The following JAZF1 variants were observed in gnomAD, a reference collection of about 807,000 sequenced individuals.
The protein encoded by JAZF1 is JAZF zinc finger 1, also known as juxtaposed with another zinc finger protein 1.
A neutral mutation model predicts 26.4 loss-of-function variants in JAZF1; 8 were observed. The observed-to-expected ratio is 0.30, with a 90% CI of 0.18 to 0.55. The LOEUF (loss-of-function observed/expected upper bound fraction) is 0.55. Among genes scored for constraint, JAZF1 ranks in the 20% least tolerant of loss-of-function variants. JAZF1 has a pLI of 0.94. For missense variants in JAZF1, 199 were observed against 322.0 expected, an observed-to-expected ratio of 0.62 and a Z score of 2.92; for synonymous variants, 126 against 122.3, an observed-to-expected ratio of 1.03 and a Z score of -0.20.
chr7:27,963,774 C>T (rs4719915), intron 2 of JAZF1, among the ~76,000 whole-genome samples: 19,011 of 152,016 alleles, frequency 0.13, 1,363 homozygotes, highest in African/African-American at 0.19. Context: ...TGCTACATTG[C>T]CCAGGCTGAT....
At chr7:27,853,245 T>C (rs890269130) in intron 3 of JAZF1, among the ~76,000 whole-genome samples, 2 of 152,236 alleles carry the variant, frequency 1.3e-5, no homozygotes, top group African/African-American at 4.8e-5. Flanking sequence ...AATTTCATTA[T>C]ATTACAGCAG....
chr7:28,074,766 T>A (rs1338557776), intron 1 of JAZF1, among the ~76,000 whole-genome samples: 1 of 152,238 alleles, frequency 6.6e-6, no homozygotes, highest in Non-Finnish European at 1.5e-5. Context: ...TGTTTATTTT[T>A]AAACTGTATT....
At chr7:27,915,822 A>G (rs992080610) in intron 2 of JAZF1, among the ~76,000 whole-genome samples, 2 of 152,240 alleles carry the variant, frequency 1.3e-5, no homozygotes, top group African/African-American at 2.4e-5. Flanking sequence ...TAAGGCAGCT[A>G]TTAAATTTGA....
chr7:28,110,104 G>A (rs1784617815), intron 1 of JAZF1, among the ~76,000 whole-genome samples: 1 of 152,088 alleles, frequency 6.6e-6, no homozygotes, highest in Non-Finnish European at 1.5e-5. Context: ...TGGTCAAGAG[G>A]AAAAGAATCA....
At chr7:27,834,316 T>C (rs537242781) in intron 4 of JAZF1, among the ~76,000 whole-genome samples, 1 of 152,356 alleles carries the variant, frequency 6.6e-6, no homozygotes, top group Admixed American at 6.5e-5. Flanking sequence ...TGGTGGTGAT[T>C]ACTACACTAG....
chr7:28,053,132 T>C (rs1187810558), intron 1 of JAZF1, among the ~76,000 whole-genome samples: 3 of 152,246 alleles, frequency 2.0e-5, no homozygotes, highest in Non-Finnish European at 4.4e-5. Context: ...GGGTTAGCCA[T>C]ACTGTAACAT....
At chr7:27,919,363 T>C (rs1784492939) in intron 2 of JAZF1, among the ~76,000 whole-genome samples, 1 of 152,092 alleles carries the variant, frequency 6.6e-6, no homozygotes. Context: ...AATGGGAAAA[T>C]TTGGAGAAAT....
chr7:27,854,698 C>T (rs1783211869), intron 3 of JAZF1, among the ~76,000 whole-genome samples: 1 of 152,168 alleles, frequency 6.6e-6, no homozygotes, highest in African/African-American at 2.4e-5. Flanking sequence ...ATATCGGCCC[C>T]CACTCTCTTC....
chr7:28,168,288 A>G (rs1028289764), intron 1 of JAZF1, among the ~76,000 whole-genome samples: 1 of 150,882 alleles, frequency 6.6e-6, no homozygotes, highest in African/African-American at 2.4e-5. Context: ...AGGCTGAGAC[A>G]GGAGAATGGT....
At chr7:27,885,820 G>A (rs560952266) in intron 3 of JAZF1, among the ~76,000 whole-genome samples, 11 of 152,166 alleles carry the variant, frequency 7.2e-5, no homozygotes, top group Admixed American at 3.9e-4. Context: ...GCACATTCCT[G>A]GAATCAGCCT....
intron 1 of JAZF1, among the ~76,000 whole-genome samples, chr7:28,100,748 A>G (rs1409346063): frequency 1.3e-5 from 2 of 149,212 alleles, no homozygotes; most frequent in East Asian, 4.6e-4. Context: ...GCACTGCTTT[A>G]AAAATGTGCT....
At chr7:27,884,545 T>C (rs1783826359) in intron 3 of JAZF1, among the ~76,000 whole-genome samples, 1 of 152,216 alleles carries the variant, frequency 6.6e-6, no homozygotes, top group Admixed American at 6.5e-5. Context: ...CCTCCTCACA[T>C]ACTCAAGTTA....
chr7:28,001,355 AAAAAC>A (rs1554281097), intron 1 of JAZF1, among the ~76,000 whole-genome samples: 28 of 152,154 alleles, frequency 1.8e-4, no homozygotes, highest in East Asian at 3.9e-4. Context: ...CTGTCTCAAA[AAAAAC>A]AAAACAAAAC....
intron 2 of JAZF1, among the ~76,000 whole-genome samples, chr7:27,934,234 A>G (rs1032353892): frequency 6.6e-6 from 1 of 152,210 alleles, no homozygotes; most frequent in Non-Finnish European, 1.5e-5. Flanking sequence ...TGAAGAAGCC[A>G]TATCAGGTAA....
At chr7:27,921,300 C>A (rs1784524676) in intron 2 of JAZF1, among the ~76,000 whole-genome samples, 1 of 152,052 alleles carries the variant, frequency 6.6e-6, no homozygotes, top group African/African-American at 2.4e-5. Flanking sequence ...CATTATAAAG[C>A]CTCTGGGCTT....
At chr7:27,865,914 C>G (rs985895627) in intron 3 of JAZF1, among the ~76,000 whole-genome samples, 39 of 152,304 alleles carry the variant, frequency 2.6e-4, no homozygotes, top group African/African-American at 9.4e-4. Flanking sequence ...GCAGTCCACC[C>G]TTGCTTTCTG....
chr7:28,125,093 C>T (rs910691411), intron 1 of JAZF1, among the ~76,000 whole-genome samples: 1 of 148,406 alleles, frequency 6.7e-6, no homozygotes, highest in African/African-American at 2.5e-5. Flanking sequence ...GCCTAATATT[C>T]TAATTATTAG....
chr7:27,919,155 CTT>C (rs1385339078), intron 2 of JAZF1, among the ~76,000 whole-genome samples: 4 of 152,182 alleles, frequency 2.6e-5, no homozygotes, highest in Non-Finnish European at 5.9e-5. Context: ...GGTAGACTAT[CTT>C]GTTAGCATGA....
chr7:27,914,126 CTGTT>C (rs1784406970), intron 2 of JAZF1, among the ~76,000 whole-genome samples: 1 of 152,132 alleles, frequency 6.6e-6, no homozygotes, highest in Non-Finnish European at 1.5e-5. Flanking sequence ...CGCCTGCTAT[CTGTT>C]TGCTATGTGG....
Sources: gnomAD v4.1 joint callset for allele counts (sites outside exome capture counted in the v4.1 genomes callset) on GRCh38, gnomAD v4.1.1 for gene constraint, MANE v1.5 for transcripts, NCBI Gene and HGNC (gene_info 2026-07-23, HGNC 2026-07-21) for gene names.